Variants in CAPRIN1 observed in about 807,000 individuals in gnomAD.
The protein encoded by CAPRIN1 is caprin-1.
Under a neutral mutation model 100.9 loss-of-function variants are expected in CAPRIN1, and 29 were observed. The ratio of observed to expected loss-of-function variants is 0.29; its 90% confidence interval spans 0.21 to 0.39. CAPRIN1 has a LOEUF of 0.39. CAPRIN1 is among the 10% of genes least tolerant of loss of function. The pLI is 1.00. For missense variants in CAPRIN1, 795 were observed against 876.7 expected, an observed-to-expected ratio of 0.91 and a Z score of 1.18; for synonymous variants, 338 against 307.5, an observed-to-expected ratio of 1.10 and a Z score of -1.04.
intron 2 of CAPRIN1, among the ~76,000 whole-genome samples, chr11:34,062,255 A>C (rs1177481828): frequency 6.6e-6 from 1 of 152,194 alleles, no homozygotes; most frequent in Non-Finnish European, 1.5e-5. Flanking sequence ...ATTGTGGGCA[A>C]AGTCAAAACT....
intron 2 of CAPRIN1, chr11:34,053,651 C>T (rs1850384747): frequency 6.6e-6 from 1 of 151,464 alleles, no homozygotes; most frequent in African/African-American, 2.4e-5. Context: ...ATATTTAGTC[C>T]TTGTAGATCA....
At chr11:34,055,218 C>T (rs774743245) in intron 2 of CAPRIN1, among the ~76,000 whole-genome samples, 2 of 152,066 alleles carry the variant, frequency 1.3e-5, no homozygotes, top group East Asian at 1.9e-4. Context: ...GGCTGGAGTG[C>T]GGTAGGATGA....
At position 34,089,433 on chromosome 11, in the gene CAPRIN1, C is replaced by A; in HGVS notation, c.1270C>A (p.Pro424Thr). 6.2e-7 allele frequency: 1 copy of A among 1,607,676 alleles called. No individual in the cohort carries two copies. The highest frequency in any genetic ancestry group is 8.5e-7 in the Non-Finnish European group (1 of 1,175,330). ...ESRLAQPNQVPVQPEATQVPL... is the reference protein window; with the variant it reads ...ESRLAQPNQVTVQPEATQVPL... ...TAGACTTGCTCAGCCTAATCAAGTT[C>A]CTGTACAACCAGAAGCGACACAGGT... is the stretch of plus-strand genomic sequence containing the variant. The change falls in exon 12 of 19, where the codon CCT (proline) becomes ACT (threonine). Residue 424 changes from proline (P) to threonine (T), a missense_variant. Physicochemically the swap from Pro to Thr is conservative, Grantham distance 38 (BLOSUM62 -1). Around this residue, in one of 3 missense-constraint regions of CAPRIN1, gnomAD observed 648 missense variants for 697.9 expected, o/e 0.93. Transcript: ENST00000341394.
chr11:34,079,568 T>G (rs1402282466), intron 6 of CAPRIN1, 60 bp from the exon 7 acceptor site: 4 of 1,413,772 alleles, frequency 2.8e-6, no homozygotes, highest in Non-Finnish European at 4.0e-6. Flanking sequence ...ATGTTGGATC[T>G]TCTTCAAGCC....
chr11:34,071,693 C>A, intron 2 of CAPRIN1, 33 bp from the exon 3 acceptor site: 2 of 1,507,682 alleles, frequency 1.3e-6, no homozygotes, highest in Non-Finnish European at 1.8e-6. Flanking sequence ...ACCTTCAAAA[C>A]GGAATGTAAT....
At chr11:34,058,174 C>T (rs555643454) in intron 2 of CAPRIN1, among the ~76,000 whole-genome samples, 8 of 152,052 alleles carry the variant, frequency 5.3e-5, no homozygotes, top group East Asian at 1.9e-4. Context: ...CTTGCTCTGT[C>T]GCCCAGGACT....
rs547469276 is a variant in CAPRIN1 at position 34,055,969 on chromosome 11, T to C, written c.216+3333T>C. On this transcript the variant is annotated intron_variant, in intron 2 of 18. Coordinates refer to ENST00000341394, the MANE Select transcript of CAPRIN1 (RefSeq NM_005898.5). ...TTGCCCTAAATTTAAGCACATCTGG[T>C]TTTTAGTTTAAATCCTTTTTATATT... 1.5e-3 allele frequency among the ~76,000 whole-genome samples: 226 copies of C among 152,330 alleles called. 2 individuals are homozygous for C. The highest frequency in any genetic ancestry group is 5.3e-3 in the African/African-American group (219 of 41,576).
intron 11 of CAPRIN1, 26 bp from the exon 12 acceptor site, chr11:34,089,369 C>CA: frequency 6.9e-7 from 1 of 1,446,232 alleles, no homozygotes; most frequent in East Asian, 2.9e-5. Context: ...TTTTGTTTGA[C>CA]AAAAATGTTT....
intron 4 of CAPRIN1, among the ~76,000 whole-genome samples, chr11:34,075,014 C>T (rs1186462482): frequency 6.6e-6 from 1 of 151,968 alleles, no homozygotes; most frequent in Non-Finnish European, 1.5e-5. Flanking sequence ...TAGACCTTGC[C>T]TCAAAAAACT....
At chr11:34,096,726 T>G in intron 16 of CAPRIN1, 53 bp downstream of exon 16, 5 of 1,391,842 alleles carry the variant, frequency 3.6e-6, no homozygotes, top group Non-Finnish European at 4.0e-6. Flanking sequence ...TCAAATTATT[T>G]TTTGATTTGT....
At chr11:34,097,105 A>T (rs1851382765) in intron 16 of CAPRIN1, 91 bp from the exon 17 acceptor site, 1 of 863,720 alleles carries the variant, frequency 1.2e-6, no homozygotes, top group African/African-American at 1.7e-5. Context: ...CCTGGCTTAT[A>T]ATTTCTAGTT....
At chr11:34,075,420 T>A (rs1022698316) in intron 4 of CAPRIN1, among the ~76,000 whole-genome samples, 1 of 152,334 alleles carries the variant, frequency 6.6e-6, no homozygotes, top group South Asian at 2.1e-4. Context: ...GAGGAATAAT[T>A]GAGTTTGGCT....
intron 6 of CAPRIN1, among the ~76,000 whole-genome samples, chr11:34,078,231 G>A (rs967123382): frequency 6.6e-5 from 10 of 152,086 alleles, no homozygotes; most frequent in Admixed American, 2.0e-4. Context: ...CATATGAAGT[G>A]TTCATTATCT....
At chr11:34,069,907 TAA>T (rs59107049) in intron 2 of CAPRIN1, among the ~76,000 whole-genome samples, 117,071 of 137,884 alleles carry the variant, frequency 0.85, 49,748 homozygotes, top group East Asian at 0.98. Flanking sequence ...TCATTTGACC[TAA>T]AAAAAAAAAA....
intron 2 of CAPRIN1, among the ~76,000 whole-genome samples, chr11:34,054,954 T>C (rs1362640302): frequency 6.6e-6 from 1 of 152,132 alleles, no homozygotes; most frequent in East Asian, 1.9e-4. Context: ...GAGAAGTTAA[T>C]ATAAAGGTAG....
chr11:34,063,470 A>G (rs1850623769), intron 2 of CAPRIN1: 1 of 152,240 alleles, frequency 6.6e-6, no homozygotes, highest in Non-Finnish European at 1.5e-5. Flanking sequence ...TGTCTGTTAC[A>G]TAGTGAATAC....
Position 34,052,567 on chromosome 11 carries a change from C to G in CAPRIN1, c.147C>G (p.Val49=), listed in dbSNP as rs1481479735. The G allele has an allele frequency of 6.2e-7, 1 of 1,610,424 alleles. No homozygotes were observed. The highest frequency in any genetic ancestry group is 8.5e-7 in the Non-Finnish European group (1 of 1,178,976). ...ACCCCGCAACCGGCACCGGCGCTGTCCAGACCGAGGCCATGAAGCAGATTC... is the reference window on the plus strand; with the variant it reads ...ACCCCGCAACCGGCACCGGCGCTGTGCAGACCGAGGCCATGAAGCAGATTC... ...SQHPATGTGA[V]QTEAMKQILG... Residue 49 remains valine, a synonymous_variant, in exon 2 of 19, where the codon GTC becomes GTG. Coordinates refer to ENST00000341394, the MANE Select transcript of CAPRIN1 (RefSeq NM_005898.5).
chr11:34,086,291 A>G lies in CAPRIN1; in HGVS notation c.1123-14A>G, dbSNP rs762139585. On this transcript the variant is annotated splice_polypyrimidine_tract_variant and intron_variant, in intron 10 of 18. Transcript: ENST00000341394. ...ATATTATTTGACTTTATTCTATCCT[A>G]ACTTAACCTGTAGGATTCAATGCTG... The G allele has an allele frequency of 1.3e-5, 21 of 1,609,454 alleles. No homozygotes were observed. The East Asian group carries it at 4.0e-4, about 31-fold the overall frequency.
Position 34,086,341 on chromosome 11 carries a change from C to G in CAPRIN1, c.1159C>G (p.Pro387Ala). Residue 387 changes from proline (P) to alanine (A), a missense_variant, in exon 11 of 19, where the codon CCT (proline) becomes GCT (alanine). Transcript: ENST00000341394. ...MLDFENQTLD[P>A]AIVSAQPMNP... is the part of the protein sequence containing the mutation. ...GGATTTTGAAAATCAGACACTTGAT[C>G]CTGCCATTGTATCTGCACAGCCTAT... The G allele has an allele frequency of 6.2e-7, 1 of 1,613,926 alleles. No individual in the cohort carries two copies. The highest frequency in any genetic ancestry group is 1.1e-5 in the South Asian group (1 of 91,038).
Sources: allele counts gnomAD v4.1 joint callset (sites outside exome capture counted in the v4.1 genomes callset), GRCh38; gene constraint gnomAD v4.1.1; regional missense constraint gnomAD v4.1.1; transcripts MANE v1.5; gene names NCBI Gene and HGNC (gene_info 2026-07-23, HGNC 2026-07-21).